Variants in RIPOR2 observed in about 807,000 individuals in gnomAD.
The protein encoded by RIPOR2 is RHO family interacting cell polarization regulator 2.
Under a neutral mutation model 114.5 loss-of-function variants are expected in RIPOR2, and 39 were observed. The observed-to-expected ratio is 0.34, with a 90% CI of 0.26 to 0.44. The LOEUF is 0.44. Among genes scored for constraint, RIPOR2 ranks in the 20% least tolerant of loss-of-function variants. RIPOR2 has a pLI of 1.00. For synonymous variants in RIPOR2, 445 were observed against 484.4 expected, an observed-to-expected ratio of 0.92 and a Z score of 1.07; for missense variants, 1,007 against 1,255.1, an observed-to-expected ratio of 0.80 and a Z score of 2.99.
intron 1 of RIPOR2, among the ~76,000 whole-genome samples, chr6:24,986,376 G>T (rs1008231203): frequency 5.9e-5 from 9 of 152,108 alleles, no homozygotes; most frequent in African/African-American, 1.9e-4. Flanking sequence ...GAAACTTGTT[G>T]AACTTTGAAT....
At chr6:24,899,831 A>G (rs1768237240) in intron 1 of RIPOR2, among the ~76,000 whole-genome samples, 1 of 152,144 alleles carries the variant, frequency 6.6e-6, no homozygotes, top group Non-Finnish European at 1.5e-5. Context: ...ATCGTTTGCA[A>G]GAGGAAGGAG....
At chr6:24,860,180 C>T (rs1174215914) in intron 8 of RIPOR2, among the ~76,000 whole-genome samples, 1 of 151,984 alleles carries the variant, frequency 6.6e-6, no homozygotes, top group East Asian at 1.9e-4. Flanking sequence ...GGGTTTAACA[C>T]CAAGATTTAC....
chr6:24,888,168 T>A (rs141609256), intron 1 of RIPOR2, among the ~76,000 whole-genome samples: 19 of 152,326 alleles, frequency 1.2e-4, no homozygotes, highest in Non-Finnish European at 1.8e-4. Context: ...GGGACTATGA[T>A]CTTCAGAGAC....
intron 1 of RIPOR2, among the ~76,000 whole-genome samples, chr6:24,922,153 A>G (rs1770544274): frequency 6.6e-6 from 1 of 152,162 alleles, no homozygotes; most frequent in Admixed American, 6.5e-5. Flanking sequence ...ATGAATAATA[A>G]TAAAAAAAAC....
rs144298748 is a variant in RIPOR2, at chr6:24,969,314, G to A, written c.76+72537C>T. Among the ~76,000 whole-genome samples, 787 of 152,272 alleles carry A rather than the reference G, an allele frequency of 5.2e-3. 5 individuals carry two copies. Among genetic ancestry groups the A allele is most frequent in the Non-Finnish European group, 8.0e-3 (546 of 68,014 alleles). On this transcript the variant is annotated intron_variant, in intron 1 of 13. Coordinates refer to the RIPOR2 transcript ENST00000510784. ...ATCACCTGGTAAACTTAGAAATGCAGACTCTCAGGCCCATTCCTGTTGAGC... is the reference window on the plus strand; with the variant it reads ...ATCACCTGGTAAACTTAGAAATGCAAACTCTCAGGCCCATTCCTGTTGAGC...
intron 1 of RIPOR2, among the ~76,000 whole-genome samples, chr6:25,033,209 A>C (rs1027414742): frequency 0.043 from 37 of 864 alleles, no homozygotes; most frequent in Admixed American, 0.18. Flanking sequence ...TCTCATCTCA[A>C]AAAAAAAAAA....
chr6:24,892,804 T>C (rs925146990), intron 1 of RIPOR2, among the ~76,000 whole-genome samples: 2 of 152,128 alleles, frequency 1.3e-5, no homozygotes, highest in African/African-American at 2.4e-5. Context: ...AGAGAGGCAA[T>C]GTGTGGATTC....
At chr6:24,837,535 G>A (rs373278648) in intron 14 of RIPOR2, among the ~76,000 whole-genome samples, 13 of 152,114 alleles carry the variant, frequency 8.5e-5, no homozygotes, top group East Asian at 5.8e-4. Context: ...TCAGCCTCCC[G>A]CATAGCTGGG....
chr6:25,038,781 G>A (rs115199804), intron 1 of RIPOR2, among the ~76,000 whole-genome samples: 78 of 152,318 alleles, frequency 5.1e-4, no homozygotes, highest in Non-Finnish European at 7.1e-4. Flanking sequence ...AAAAATGTAT[G>A]TTGTTTTAAG....
Position 24,872,976 on chromosome 6 carries a change from A to G in RIPOR2, c.345-17T>C. On this transcript the variant is annotated splice_polypyrimidine_tract_variant and intron_variant, in intron 3 of 21. Coordinates refer to ENST00000643898, the MANE Select transcript of RIPOR2 (RefSeq NM_001286445.3). ...AGATATTCACTGCAAAGATAAGACA[A>G]GATGTAATCGTAATCTCTGCGCCTG... 3.2e-6 allele frequency: 5 copies of G among 1,564,360 alleles called. No homozygotes were observed. In the South Asian group the frequency reaches 4.4e-5, roughly 14 times the overall value.
chr6:24,928,541 T>C (rs551039904), intron 1 of RIPOR2, among the ~76,000 whole-genome samples: 33 of 152,212 alleles, frequency 2.2e-4, no homozygotes, highest in Non-Finnish European at 3.8e-4. Flanking sequence ...TTACACTGAA[T>C]GAACAGTTTA....
chr6:24,823,884 G>T (rs1292193888), intron 19 of RIPOR2, among the ~76,000 whole-genome samples: 2 of 152,150 alleles, frequency 1.3e-5, no homozygotes, highest in Admixed American at 1.3e-4. Context: ...AGCCTCCTGA[G>T]TAGCTGGGAT....
chr6:25,013,826 T>C (rs192310994), intron 1 of RIPOR2, among the ~76,000 whole-genome samples: 51 of 152,310 alleles, frequency 3.3e-4, no homozygotes, highest in Non-Finnish European at 2.9e-5. Context: ...AAAAAAGTCC[T>C]TTCTACAATA....
At chr6:24,872,772 C>T in intron 4 of RIPOR2, 109 bp downstream of exon 4, 1 of 713,256 alleles carries the variant, frequency 1.4e-6, no homozygotes. Context: ...TAGTACTCTG[C>T]CCCTTGGATC....
At chr6:24,823,679 T>G (rs1759896404) in intron 19 of RIPOR2, among the ~76,000 whole-genome samples, 1 of 152,256 alleles carries the variant, frequency 6.6e-6, no homozygotes, top group Non-Finnish European at 1.5e-5. Flanking sequence ...ATATTTCACC[T>G]GTGGCTAATG....
intron 1 of RIPOR2, among the ~76,000 whole-genome samples, chr6:24,935,213 C>G (rs901664172): frequency 1.5e-4 from 22 of 150,148 alleles, no homozygotes; most frequent in Non-Finnish European, 2.4e-4. Flanking sequence ...GAGGCTGAGG[C>G]AGGAGAATGA....
chr6:24,932,486 A>C (rs1339638067), intron 1 of RIPOR2, among the ~76,000 whole-genome samples: 1 of 152,128 alleles, frequency 6.6e-6, no homozygotes, highest in Non-Finnish European at 1.5e-5. Flanking sequence ...CTGTTTTAGA[A>C]CAAGAGCAGT....
At chr6:25,019,794 A>AG (rs1465391174) in intron 1 of RIPOR2, among the ~76,000 whole-genome samples, 10 of 149,438 alleles carry the variant, frequency 6.7e-5, no homozygotes, top group African/African-American at 2.4e-4. Context: ...AAAAAAAAAA[A>AG]AAAAGAAAAG....
intron 6 of RIPOR2, among the ~76,000 whole-genome samples, 166 bp downstream of exon 6, chr6:24,868,928 T>C (rs73398473): frequency 1.6e-4 from 24 of 152,340 alleles, no homozygotes; most frequent in African/African-American, 4.8e-4. Flanking sequence ...TCCATTCTTA[T>C]TGTTCCTCCA....
Sources: gnomAD v4.1 joint callset for allele counts (sites outside exome capture counted in the v4.1 genomes callset) on GRCh38, gnomAD v4.1.1 for gene constraint, MANE v1.5 for transcripts, NCBI Gene and HGNC (gene_info 2026-07-23, HGNC 2026-07-21) for gene names.